The following RBFOX1 variants were observed in gnomAD, a reference collection of about 807,000 sequenced individuals.
RBFOX1 encodes RNA binding fox-1 homolog 1, also known as RNA binding protein fox-1 homolog 1.
Under a neutral mutation model 57.7 loss-of-function variants are expected in RBFOX1, and 8 were observed. That is an observed-to-expected ratio of 0.14 (90% confidence interval 0.08 to 0.25). RBFOX1 has a LOEUF of 0.25. RBFOX1 is among the 10% of genes least tolerant of loss of function. The pLI, the probability that RBFOX1 is intolerant of heterozygous loss-of-function variation, is 1.00. For synonymous variants in RBFOX1, 326 were observed against 222.4 expected (o/e 1.47, Z -4.15); for missense variants, 611 against 548.5 (o/e 1.11, Z -1.14).
chr16:5,478,379 G>A (rs527831626), intron 2 of RBFOX1, among the ~76,000 whole-genome samples: 11 of 152,086 alleles, frequency 7.2e-5, no homozygotes, highest in Admixed American at 1.3e-4. Flanking sequence ...CCAGGAACGG[G>A]TAATGAATGT....
At chr16:7,708,003 G>T (rs532106254) in intron 14 of RBFOX1, among the ~76,000 whole-genome samples, 1 of 152,276 alleles carries the variant, frequency 6.6e-6, no homozygotes, top group South Asian at 2.1e-4. Flanking sequence ...AAACAAGTAT[G>T]GGCACAGGAT....
chr16:6,517,334 C>T (rs1172274664), intron 2 of RBFOX1, among the ~76,000 whole-genome samples: 1 of 152,192 alleles, frequency 6.6e-6, no homozygotes, highest in Non-Finnish European at 1.5e-5. Context: ...AAGGTTGCAT[C>T]CTGATCCGAA....
intron 4 of RBFOX1, among the ~76,000 whole-genome samples, chr16:7,186,103 A>G (rs2083686770): frequency 6.6e-6 from 1 of 151,994 alleles, no homozygotes; most frequent in South Asian, 2.1e-4. Context: ...CTGGTATTTA[A>G]TTGCACAGAT....
chr16:6,529,249 A>G (rs2096623141), intron 2 of RBFOX1, among the ~76,000 whole-genome samples: 1 of 152,118 alleles, frequency 6.6e-6, no homozygotes. Flanking sequence ...ATTGACTGTA[A>G]GTTCTACTAT....
At chr16:6,447,631 G>A (rs578062369) in intron 2 of RBFOX1, among the ~76,000 whole-genome samples, 3 of 152,082 alleles carry the variant, frequency 2.0e-5, no homozygotes, top group East Asian at 1.9e-4. Flanking sequence ...CTACGTGCGC[G>A]GACAAATCAC....
intron 3 of RBFOX1, among the ~76,000 whole-genome samples, chr16:5,772,844 G>A (rs2054025891): frequency 6.6e-6 from 1 of 152,134 alleles, no homozygotes; most frequent in African/African-American, 2.4e-5. Flanking sequence ...GCAAAGGGCT[G>A]TCAGTTACAG....
intron 2 of RBFOX1, among the ~76,000 whole-genome samples, chr16:6,575,013 G>A (rs1475676979): frequency 6.8e-6 from 1 of 147,734 alleles, no homozygotes. Flanking sequence ...ACTCCAGCTT[G>A]GGGGACAGAG....
At chr16:7,573,165 G>A (rs989792548) in intron 5 of RBFOX1, among the ~76,000 whole-genome samples, 3 of 152,104 alleles carry the variant, frequency 2.0e-5, no homozygotes, top group Admixed American at 6.6e-5. Flanking sequence ...TCGGCAAGAG[G>A]GCAAGCTACA....
At chr16:5,349,512 A>G (rs2065215092) in intron 1 of RBFOX1, among the ~76,000 whole-genome samples, 1 of 152,108 alleles carries the variant, frequency 6.6e-6, no homozygotes, top group South Asian at 2.1e-4. Flanking sequence ...TCTCTACTAA[A>G]AATACAAAAA....
At chr16:7,510,501 GT>G (rs2074750868) in intron 4 of RBFOX1, among the ~76,000 whole-genome samples, 2 of 151,234 alleles carry the variant, frequency 1.3e-5, no homozygotes, top group Non-Finnish European at 2.9e-5. Flanking sequence ...GTGTGTGTGT[GT>G]GTGTGTGTGG....
chr16:5,294,426 G>T (rs1187335024), intron 1 of RBFOX1, among the ~76,000 whole-genome samples: 2 of 152,084 alleles, frequency 1.3e-5, no homozygotes, highest in Non-Finnish European at 2.9e-5. Context: ...TTTTACTTGT[G>T]TCCTTTTCTA....
chr16:5,687,590 C>T (rs557281631), intron 3 of RBFOX1, among the ~76,000 whole-genome samples: 13 of 152,262 alleles, frequency 8.5e-5, no homozygotes, highest in African/African-American at 3.1e-4. Flanking sequence ...AGTCTTTGGC[C>T]TCTCTGAAAG....
At chr16:6,392,853 G>T (rs904446878) in intron 2 of RBFOX1, among the ~76,000 whole-genome samples, 8 of 152,214 alleles carry the variant, frequency 5.3e-5, no homozygotes, top group African/African-American at 1.9e-4. Flanking sequence ...CACAACTGAA[G>T]TTCCACGTCA....
intron 3 of RBFOX1, among the ~76,000 whole-genome samples, chr16:6,715,739 G>C (rs533883215): frequency 3.2e-4 from 48 of 149,492 alleles, no homozygotes; most frequent in Admixed American, 2.0e-3. Context: ...TTTTTATCCA[G>C]TGAATTGGCA....
chr16:7,455,794 A>G lies in RBFOX1; in HGVS notation c.28-62353A>G, dbSNP rs145399299. On this transcript the variant is annotated intron_variant, in intron 4 of 15. Coordinates refer to ENST00000550418, the MANE Select transcript of RBFOX1 (RefSeq NM_018723.4). The stretch of plus-strand genomic sequence containing the variant: ...GAATGAGACTCCATCTCAAAAAAAA[A>G]AAAAAAAGAAAAAAAAGAAAAAAAA... Among the ~76,000 whole-genome samples the G allele has an allele frequency of 5.6e-3, 845 of 150,738 alleles. 8 individuals are homozygous for G. The highest frequency in any genetic ancestry group is 0.02 in the African/African-American group (807 of 41,034).
Position 6,980,985 on chromosome 16 carries a change from G to C in RBFOX1, c.-15-71072G>C, listed in dbSNP as rs558793429. Among the ~76,000 whole-genome samples the C allele has an allele frequency of 9.7e-5, 13 of 133,980 alleles. No individual in the cohort carries two copies. In the South Asian group the frequency reaches 1.9e-3, roughly 20 times the overall value. The allele number at this position is 133,980 out of a possible 152,430, so 87.9% of individuals were successfully genotyped here. ...TTGAACCTGGGAAGTGGAGGTTGCA[G>C]TCTGCCGAGATCACGCCACTGCACT... On this transcript the variant is annotated intron_variant, in intron 3 of 15. Coordinates refer to ENST00000550418, the MANE Select transcript of RBFOX1 (RefSeq NM_018723.4).
intron 3 of RBFOX1, among the ~76,000 whole-genome samples, chr16:5,829,239 G>A (rs1045378075): frequency 6.6e-6 from 1 of 152,192 alleles, no homozygotes; most frequent in African/African-American, 2.4e-5. Context: ...TCCTGCAGAG[G>A]CTGAAGGCCG....
At chr16:6,936,091 T>A (rs931224777) in intron 3 of RBFOX1, among the ~76,000 whole-genome samples, 3 of 152,200 alleles carry the variant, frequency 2.0e-5, no homozygotes, top group Non-Finnish European at 4.4e-5. Flanking sequence ...TTTCCTTAGA[T>A]CTGAGGTTCA....
chr16:7,589,076 A>C (rs1303243261), intron 7 of RBFOX1, among the ~76,000 whole-genome samples: 3 of 152,178 alleles, frequency 2.0e-5, no homozygotes. Context: ...GACTATTGCT[A>C]TACCTGCAAA....
Sources: allele counts gnomAD v4.1 joint callset (sites outside exome capture counted in the v4.1 genomes callset), GRCh38; gene constraint gnomAD v4.1.1; transcripts MANE v1.5; gene names NCBI Gene and HGNC (gene_info 2026-07-23, HGNC 2026-07-21).